AKR1C8: variants seen among roughly 807,000 people sequenced by gnomAD.
The protein encoded by AKR1C8 is aldo-keto reductase family 1 member C-like protein 1.
At chr10:5,173,581 A>G in the AKR1C8 span, among the ~76,000 whole-genome samples, 1 of 152,030 alleles carries the variant, frequency 6.6e-6, no homozygotes, top group Non-Finnish European at 1.5e-5. Flanking sequence ...AAACTTATAC[A>G]GCCAAAAAAG....
At chr10:5,182,519 C>T in the AKR1C8 span, among the ~76,000 whole-genome samples, 3 of 152,096 alleles carry the variant, frequency 2.0e-5, no homozygotes, top group African/African-American at 7.2e-5. Context: ...AGAGTACAAA[C>T]CCATGACTAG....
At chr10:5,145,765 T>G in the AKR1C8 span, among the ~76,000 whole-genome samples, 1 of 152,162 alleles carries the variant, frequency 6.6e-6, no homozygotes, top group Non-Finnish European at 1.5e-5. Flanking sequence ...GTCAACTAGT[T>G]CAACCATTGT....
chr10:5,123,622 G>C, the AKR1C8 span: 4 of 1,238,154 alleles, frequency 3.2e-6, no homozygotes, highest in Non-Finnish European at 4.5e-6. Context: ...CTAACTCACT[G>C]AGAGTAAACT....
At chr10:5,155,320 T>C in the AKR1C8 span, 1 of 152,322 alleles carries the variant, frequency 6.6e-6, no homozygotes, top group African/African-American at 2.4e-5. Flanking sequence ...GATTTTAATA[T>C]AAATTAAAGA....
At chr10:5,127,083 G>T in the AKR1C8 span, among the ~76,000 whole-genome samples, 1 of 152,032 alleles carries the variant, frequency 6.6e-6, no homozygotes, top group African/African-American at 2.4e-5. Context: ...ACCCCAAAAA[G>T]ATCACACTAG....
the AKR1C8 span, chr10:5,185,029 T>C: frequency 1.9e-6 from 1 of 534,718 alleles, no homozygotes; most frequent in South Asian, 1.4e-5. Context: ...GGAGCATAAG[T>C]GCCAAATCCC....
At chr10:5,169,664 G>T in the AKR1C8 span, among the ~76,000 whole-genome samples, 1 of 151,738 alleles carries the variant, frequency 6.6e-6, no homozygotes, top group East Asian at 1.9e-4. Flanking sequence ...CAGTAACTGA[G>T]ATTATCTATC....
the AKR1C8 span, chr10:5,121,971 C>T: frequency 4.7e-6 from 1 of 213,854 alleles, no homozygotes; most frequent in Non-Finnish European, 9.6e-6. Flanking sequence ...AGTGAATCTC[C>T]TGTTTCACCC....
At chr10:5,178,676 CAT>C in the AKR1C8 span, among the ~76,000 whole-genome samples, 2 of 152,158 alleles carry the variant, frequency 1.3e-5, no homozygotes, top group African/African-American at 4.8e-5. Context: ...GTATTGGATG[CAT>C]ATATATTTAG....
chr10:5,123,870 TTAATA>T, the AKR1C8 span: 1 of 1,547,048 alleles, frequency 6.5e-7, no homozygotes. Flanking sequence ...AACAGTTATG[TTAATA>T]TAAAAAGATT....
the AKR1C8 span, among the ~76,000 whole-genome samples, chr10:5,169,643 G>T: frequency 6.6e-6 from 1 of 151,458 alleles, no homozygotes; most frequent in Admixed American, 6.6e-5. Context: ...TAATAATTAA[G>T]CAAAATCTTA....
the AKR1C8 span, among the ~76,000 whole-genome samples, chr10:5,119,695 TAC>T: frequency 5.9e-5 from 9 of 152,070 alleles, no homozygotes; most frequent in African/African-American, 2.2e-4. Flanking sequence ...CCTCACCAAA[TAC>T]AGAGATCCTC....
chr10:5,140,795 C>T, the AKR1C8 span, among the ~76,000 whole-genome samples: 1 of 140,366 alleles, frequency 7.1e-6, no homozygotes, highest in Non-Finnish European at 1.5e-5. Context: ...AACATACCTG[C>T]ACATTGTGCA....
chr10:5,174,253 CA>C, the AKR1C8 span, among the ~76,000 whole-genome samples: 179 of 141,134 alleles, frequency 1.3e-3, 1 homozygote, highest in African/African-American at 4.6e-3. Context: ...TCTATAGAGT[CA>C]TATATATGTT....
the AKR1C8 span, chr10:5,123,612 C>G: frequency 1.7e-6 from 2 of 1,151,434 alleles, no homozygotes; most frequent in African/African-American, 1.6e-5. Flanking sequence ...TCACCTTACC[C>G]TAACTCACTG....
the AKR1C8 span, among the ~76,000 whole-genome samples, chr10:5,138,082 C>T: frequency 0.27 from 40,375 of 148,742 alleles, 6,456 homozygotes; most frequent in Non-Finnish European, 0.35. Flanking sequence ...CAGCGGTGCA[C>T]GTACTGTCTT....
the AKR1C8 span, among the ~76,000 whole-genome samples, chr10:5,125,085 A>C: frequency 7.3e-5 from 11 of 151,524 alleles, no homozygotes; most frequent in Admixed American, 5.9e-4. Context: ...TTTATTTACC[A>C]CTTATTTAAC....
chr10:5,146,974 C>G, the AKR1C8 span, among the ~76,000 whole-genome samples: 2 of 151,982 alleles, frequency 1.3e-5, no homozygotes. Context: ...AAAGGCATAC[C>G]CGAAGGTGAG....
the AKR1C8 span, among the ~76,000 whole-genome samples, chr10:5,183,149 A>C: frequency 6.6e-6 from 1 of 152,140 alleles, no homozygotes; most frequent in Non-Finnish European, 1.5e-5. Context: ...ATTCTTATGA[A>C]CTAACCAACA....
Sources: gnomAD v4.1 joint callset for allele counts (sites outside exome capture counted in the v4.1 genomes callset) on GRCh38, gnomAD v4.1.1 for gene constraint, MANE v1.5 for transcripts, NCBI Gene and HGNC (gene_info 2026-07-23, HGNC 2026-07-21) for gene names.